Variants in TMTC2 observed in about 807,000 individuals in gnomAD.
TMTC2 encodes transmembrane O-mannosyltransferase targeting cadherins 2, also known as protein O-mannosyl-transferase TMTC2.
A neutral mutation model predicts 82.4 loss-of-function variants in TMTC2; 43 were observed. The ratio of observed to expected loss-of-function variants is 0.52; its 90% CI spans 0.41 to 0.67. The LOEUF (loss-of-function observed/expected upper bound fraction) is 0.67. Ranked by LOEUF, TMTC2 falls within the 30% of genes least tolerant of loss-of-function variation. TMTC2 has a pLI of 0.00. For missense variants in TMTC2, 919 were observed against 1,012.4 expected (o/e 0.91, Z 1.25); for synonymous variants, 408 against 381.9 (o/e 1.07, Z -0.80).
intron 11 of TMTC2, among the ~76,000 whole-genome samples, chr12:83,118,956 G>A (rs987379125): frequency 6.6e-6 from 1 of 152,128 alleles, no homozygotes; most frequent in African/African-American, 2.4e-5. Flanking sequence ...CGTGTTCATA[G>A]TGGCGCTGAA....
intron 4 of TMTC2, among the ~76,000 whole-genome samples, chr12:82,956,398 A>C (rs1877618146): frequency 1.3e-5 from 2 of 152,146 alleles, no homozygotes; most frequent in African/African-American, 4.8e-5. Context: ...TGTAGTATGC[A>C]GACAGAAAAC....
At chr12:82,876,439 T>C (rs949824851) in intron 2 of TMTC2, among the ~76,000 whole-genome samples, 4 of 152,280 alleles carry the variant, frequency 2.6e-5, no homozygotes, top group African/African-American at 9.6e-5. Flanking sequence ...TTCATGTCTC[T>C]CTAAAAATGG....
chr12:82,894,828 C>T (rs1356225489), intron 2 of TMTC2, among the ~76,000 whole-genome samples: 3 of 152,054 alleles, frequency 2.0e-5, no homozygotes, highest in Non-Finnish European at 2.9e-5. Context: ...GAGTCGGAGT[C>T]TCACTCTGTT....
intron 3 of TMTC2, among the ~76,000 whole-genome samples, chr12:82,919,898 G>C (rs572848836): frequency 1.3e-5 from 2 of 152,228 alleles, no homozygotes; most frequent in East Asian, 3.9e-4. Flanking sequence ...GACTGGCATC[G>C]TACACTGGTA....
chr12:83,012,740 T>C (rs1023127647), intron 8 of TMTC2, among the ~76,000 whole-genome samples: 1 of 152,172 alleles, frequency 6.6e-6, no homozygotes, highest in Admixed American at 6.5e-5. Flanking sequence ...TATAAGCCAT[T>C]CACTTCAGAG....
At chr12:82,938,783 C>T (rs1237534998) in intron 4 of TMTC2, among the ~76,000 whole-genome samples, 1 of 152,140 alleles carries the variant, frequency 6.6e-6, no homozygotes, top group Admixed American at 6.5e-5. Flanking sequence ...CACAAATATA[C>T]TCTTGTGAAA....
At chr12:83,056,202 T>A (rs1239127651) in intron 10 of TMTC2, among the ~76,000 whole-genome samples, 1 of 151,994 alleles carries the variant, frequency 6.6e-6, no homozygotes, top group Non-Finnish European at 1.5e-5. Flanking sequence ...ACTCCAACTT[T>A]GTATTCTCAA....
chr12:83,086,907 C>T (rs1883679783), intron 11 of TMTC2, among the ~76,000 whole-genome samples: 1 of 152,174 alleles, frequency 6.6e-6, no homozygotes, highest in Non-Finnish European at 1.5e-5. Flanking sequence ...TTGCTGAAGG[C>T]TGGGCTGGCT....
chr12:82,898,984 G>A (rs557316052), intron 3 of TMTC2, among the ~76,000 whole-genome samples: 3 of 152,278 alleles, frequency 2.0e-5, no homozygotes, highest in South Asian at 2.1e-4. Flanking sequence ...TGAAAGTTAC[G>A]ATTCTAAATA....
chr12:82,965,957 T>A (rs143703460), intron 6 of TMTC2: 5 of 561,884 alleles, frequency 8.9e-6, no homozygotes, highest in Non-Finnish European at 1.6e-5. Flanking sequence ...AAATAAAAAT[T>A]TAATAGATTT....
chr12:82,758,890 A>G (rs930403693), intron 1 of TMTC2: 39 of 152,194 alleles, frequency 2.6e-4, no homozygotes, highest in Non-Finnish European at 2.1e-4. Context: ...ACAGCACCAT[A>G]TAAATATATC....
intron 1 of TMTC2, among the ~76,000 whole-genome samples, chr12:82,744,851 A>G (rs977361867): frequency 3.3e-5 from 5 of 152,170 alleles, no homozygotes; most frequent in Admixed American, 2.0e-4. Flanking sequence ...TACTTTCCCT[A>G]TGGAAACTTC....
intron 1 of TMTC2, among the ~76,000 whole-genome samples, chr12:82,805,320 C>T (rs891752633): frequency 2.0e-5 from 3 of 151,978 alleles, no homozygotes; most frequent in Admixed American, 2.0e-4. Flanking sequence ...ACATAAAGTA[C>T]TTTGATTTCT....
At chr12:83,124,612 A>C (rs1439636003) in intron 11 of TMTC2, among the ~76,000 whole-genome samples, 1 of 151,538 alleles carries the variant, frequency 6.6e-6, no homozygotes, top group Non-Finnish European at 1.5e-5. Flanking sequence ...GGGTGGAAGA[A>C]GGACTTTGTC....
At chr12:82,896,688 T>C in intron 3 of TMTC2, 42 bp downstream of exon 3, 1 of 1,473,396 alleles carries the variant, frequency 6.8e-7, no homozygotes, top group Non-Finnish European at 9.2e-7. Flanking sequence ...AGTTTACACT[T>C]TCAGCCTCTT....
At chr12:83,078,354 A>T (rs1883357075) in intron 11 of TMTC2, among the ~76,000 whole-genome samples, 1 of 152,156 alleles carries the variant, frequency 6.6e-6, no homozygotes, top group Non-Finnish European at 1.5e-5. Context: ...TATACTGTTA[A>T]GCTCCTTATT....
intron 1 of TMTC2, among the ~76,000 whole-genome samples, chr12:82,817,099 C>G (rs544575177): frequency 3.4e-4 from 52 of 151,602 alleles, no homozygotes; most frequent in African/African-American, 1.2e-3. Flanking sequence ...TCCCAAGTAG[C>G]TGGGATTATA....
chr12:82,875,385 T>TATATATATATATATATA (rs140437146), intron 2 of TMTC2, among the ~76,000 whole-genome samples: 1 of 151,828 alleles, frequency 6.6e-6, no homozygotes, highest in African/African-American at 2.4e-5. Flanking sequence ...TATATATATA[T>TATATATATATATATATA]ATGTTTTACA....
intron 11 of TMTC2, among the ~76,000 whole-genome samples, chr12:83,074,156 C>T (rs1883208752): frequency 6.6e-6 from 1 of 152,096 alleles, no homozygotes; most frequent in East Asian, 1.9e-4. Context: ...TTCTTTTGTA[C>T]CACGTGGTGT....
Sources: allele counts gnomAD v4.1 joint callset (sites outside exome capture counted in the v4.1 genomes callset), GRCh38; gene constraint gnomAD v4.1.1; transcripts MANE v1.5; gene names NCBI Gene and HGNC (gene_info 2026-07-23, HGNC 2026-07-21).